The following IMPDH1 variants were observed in gnomAD, a reference collection of about 807,000 sequenced individuals.
The protein encoded by IMPDH1 is inosine-5'-monophosphate dehydrogenase 1.
A neutral mutation model predicts 73.5 loss-of-function variants in IMPDH1; 41 were observed. That is an observed-to-expected ratio of 0.56 (90% CI 0.43 to 0.72). IMPDH1 has a LOEUF of 0.72. Among genes scored for constraint, IMPDH1 ranks in the 30% least tolerant of loss-of-function variants. The pLI is 0.00. For missense variants in IMPDH1, 645 were observed against 824.8 expected (o/e 0.78, Z 2.67); for synonymous variants, 318 against 334.3 (o/e 0.95, Z 0.53).
In IMPDH1 at chr7:128,394,612, T is replaced by C. The variant is rs767349860; in HGVS notation, c.1551-13A>G. 1 of 1,612,588 alleles carries C rather than the reference T, an allele frequency of 6.2e-7. No homozygotes were observed. Among genetic ancestry groups the C allele is most frequent in the South Asian group, 1.1e-5 (1 of 91,034 alleles). ...TTTATCCCCCTCGCTGCGTGGAGGG[T>C]GGAAGACTGAGCCCAGCAGCTTGAA... On this transcript the variant is annotated splice_polypyrimidine_tract_variant and intron_variant, in intron 14 of 16. Transcript: ENST00000338791. The surrounding 1 kb of genome is among the most constrained non-coding windows in gnomAD (Gnocchi z 5.5).
chr7:128,405,797 A>T lies in IMPDH1; in HGVS notation c.323T>A (p.Leu108His). The change falls in exon 4 of 17, where the codon CTC becomes CAC. Residue 108 changes from leucine (L) to histidine (H), a missense_variant. Around this residue, in one of 2 missense-constraint regions of IMPDH1, gnomAD observed 186 missense variants for 186.6 expected, o/e 1.00. Coordinates refer to ENST00000338791, the MANE Select transcript of IMPDH1 (RefSeq NM_000883.4). Reference sequence around the variant, plus strand: ...GGTGAGGCCGTCGGCGCTGGCGAAGAGCTGCTGCGCGGTGAGCCCATCCTC... The same window carrying T: ...GGTGAGGCCGTCGGCGCTGGCGAAGTGCTGCTGCGCGGTGAGCCCATCCTC... ...VPEDGLTAQQ[L>H]FASADGLTYN... 6.5e-7 allele frequency: 1 copy of T among 1,542,710 alleles called. No individual in the cohort carries two copies. Among genetic ancestry groups the T allele is most frequent in the Non-Finnish European group, 8.7e-7 (1 of 1,145,736 alleles).
At chr7:128,408,138 GT>G (rs1335666606) in intron 3 of IMPDH1, among the ~76,000 whole-genome samples, 2 of 152,138 alleles carry the variant, frequency 1.3e-5, no homozygotes, top group African/African-American at 4.8e-5. Context: ...AAGGGCTGTT[GT>G]TCCCTGAGAC....
At chr7:128,409,669 C>T in intron 1 of IMPDH1, 87 bp downstream of exon 1, 4 of 1,512,720 alleles carry the variant, frequency 2.6e-6, no homozygotes, top group East Asian at 2.4e-5. Flanking sequence ...GCCCCTCCCC[C>T]GCAGCGTCGC....
chr7:128,400,684 C>G, intron 7 of IMPDH1, 133 bp downstream of exon 7: 2 of 1,183,688 alleles, frequency 1.7e-6, no homozygotes, highest in Non-Finnish European at 2.5e-6. Context: ...AATGAGGGCT[C>G]GGCCCCAAGG....
intron 4 of IMPDH1, among the ~76,000 whole-genome samples, chr7:128,404,510 C>T (rs1482344319): frequency 6.6e-6 from 1 of 152,146 alleles, no homozygotes; most frequent in Non-Finnish European, 1.5e-5. Context: ...GCTAAAATCA[C>T]AGCAGGCCTT....
intron 9 of IMPDH1, among the ~76,000 whole-genome samples, chr7:128,399,203 A>C (rs559237969): frequency 2.4e-4 from 37 of 151,410 alleles, no homozygotes; most frequent in African/African-American, 8.5e-4. Context: ...ATCTCTACTA[A>C]AAATACAAAA....
chr7:128,395,449 G>A (rs1797851519), intron 12 of IMPDH1, among the ~76,000 whole-genome samples, 175 bp from the exon 13 acceptor site: 1 of 152,182 alleles, frequency 6.6e-6, no homozygotes, highest in South Asian at 2.1e-4. Flanking sequence ...CAGGATGAGT[G>A]TCACTCTAGG....
Position 128,405,850 on chromosome 7 carries a change from C to G in IMPDH1, c.270G>C (p.Leu90=), listed in dbSNP as rs771690979. 5.9e-6 allele frequency: 9 copies of G among 1,533,918 alleles called. 1 individual carries two copies. Among genetic ancestry groups the G allele is most frequent in the South Asian group, 4.8e-5 (4 of 82,504 alleles). The change falls in exon 4 of 17, where the codon CTG becomes CTC. Residue 90 remains leucine (L), a synonymous_variant. Transcript: ENST00000338791. The part of the protein sequence containing the change: ...RLRRASMADY[L]ISGGTGYVPE... Reference sequence around the variant, plus strand: ...GCACGTAGCCGGTGCCGCCGCTGATCAGGTAGTCCGCCATGCTGCCGCGAG... The same window carrying G: ...GCACGTAGCCGGTGCCGCCGCTGATGAGGTAGTCCGCCATGCTGCCGCGAG...
Position 128,398,362 on chromosome 7 carries a change from A to G in IMPDH1, c.1074+52T>C. Reference sequence around the variant, plus strand: ...TGAACCTGGGTCCTCATAAACCTCCACTCTGCTGAACCACTCATCCATCTC... The same window carrying G: ...TGAACCTGGGTCCTCATAAACCTCCGCTCTGCTGAACCACTCATCCATCTC... On this transcript the variant is annotated intron_variant, in intron 10 of 16. Coordinates refer to ENST00000338791, the MANE Select transcript of IMPDH1 (RefSeq NM_000883.4). The surrounding 1 kb of genome is among the most constrained non-coding windows in gnomAD (Gnocchi z 4.3). The G allele has an allele frequency of 1.4e-6, 2 of 1,480,394 alleles. No individual in the cohort carries two copies. Among genetic ancestry groups the G allele is most frequent in the East Asian group, 2.3e-5 (1 of 44,120 alleles). The allele number at this position is 1,480,394 out of a possible 1,614,324, so 91.7% of individuals were successfully genotyped here. A position where few individuals can be genotyped will look rare whatever the true frequency, so the allele number is the denominator to read the frequency against.
intron 3 of IMPDH1, among the ~76,000 whole-genome samples, chr7:128,408,762 G>C (rs922451740): frequency 6.6e-6 from 1 of 152,170 alleles, no homozygotes; most frequent in African/African-American, 2.4e-5. Flanking sequence ...ATCGCCCTGC[G>C]GCCTGAACCC....
At chr7:128,409,393 G>A (rs754622609) in intron 2 of IMPDH1, 41 bp from the exon 3 acceptor site, 1 of 1,614,054 alleles carries the variant, frequency 6.2e-7, no homozygotes, top group Non-Finnish European at 8.5e-7. Flanking sequence ...CAAGTCAGTC[G>A]GACAGGACTC....
Position 128,396,636 on chromosome 7 carries a change from C to G in IMPDH1, c.1225G>C (p.Gly409Arg). 6.4e-7 allele frequency: 1 copy of G among 1,555,508 alleles called. No homozygotes were observed. The highest frequency in any genetic ancestry group is 8.7e-7 in the Non-Finnish European group (1 of 1,148,862). ...ATGCAGATGGAGCCGCAGCCCATGC[C>G]CACGCGCAGCCCGTCCACACCAGCA... ...IDAGVDGLRVGMGCGSICITQ... is the reference protein window; with the variant it reads ...IDAGVDGLRVRMGCGSICITQ... Residue 409 changes from glycine (G) to arginine (R), a missense_variant, in exon 12 of 17, where the codon GGC becomes CGC. By Grantham distance (125) the Gly-to-Arg change is moderately radical (BLOSUM62 -2). Around this residue, in one of 2 missense-constraint regions of IMPDH1, gnomAD observed 459 missense variants for 638.2 expected, o/e 0.72. Coordinates refer to ENST00000338791, the MANE Select transcript of IMPDH1 (RefSeq NM_000883.4). This position sits in a 1 kb window ranked among gnomAD's most constrained non-coding sequence, Gnocchi z 4.0.
chr7:128,401,870 C>A (rs1039311922), intron 5 of IMPDH1, among the ~76,000 whole-genome samples: 1 of 152,152 alleles, frequency 6.6e-6, no homozygotes, highest in Non-Finnish European at 1.5e-5. Context: ...AGCACATACC[C>A]CTCTGAGGGT....
Position 128,398,778 on chromosome 7 carries a change from T to C in IMPDH1, c.875-165A>G, listed in dbSNP as rs563676241. On this transcript the variant is annotated intron_variant, in intron 9 of 16. Coordinates refer to ENST00000338791, the MANE Select transcript of IMPDH1 (RefSeq NM_000883.4). This position sits in a 1 kb window ranked among gnomAD's most constrained non-coding sequence, Gnocchi z 4.3. ...CCCCCAGGAAGTGTTCCTAGGGACC[T>C]AGCCCTCTTCCCAAGGAACAGGGAG... Among the ~76,000 whole-genome samples, 19 of 152,260 alleles carry C rather than the reference T, an allele frequency of 1.2e-4. No individual in the cohort carries two copies. The highest frequency in any genetic ancestry group is 4.1e-4 in the African/African-American group (17 of 41,552).
intron 2 of IMPDH1, 42 bp from the exon 3 acceptor site, chr7:128,409,394 G>C (rs561670686): frequency 1.2e-6 from 2 of 1,614,106 alleles, no homozygotes; most frequent in Admixed American, 3.3e-5. Flanking sequence ...AAGTCAGTCG[G>C]ACAGGACTCC....
At position 128,400,806 on chromosome 7, in the gene IMPDH1, C is replaced by G. The variant is rs1470841796; in HGVS notation, c.579+11G>C. The G allele has an allele frequency of 1.2e-6, 2 of 1,613,406 alleles. No individual in the cohort carries two copies. The highest frequency in any genetic ancestry group is 1.7e-5 in the Admixed American group (1 of 60,014). Reference sequence around the variant, plus strand: ...AGGTGGCATCTTGCTGGGGACAGGCCTGGTACTTGCCTTGACCTTCCGCAC... The same window carrying G: ...AGGTGGCATCTTGCTGGGGACAGGCGTGGTACTTGCCTTGACCTTCCGCAC... On this transcript the variant is annotated intron_variant, in intron 7 of 16. Coordinates refer to ENST00000338791, the MANE Select transcript of IMPDH1 (RefSeq NM_000883.4).
intron 3 of IMPDH1, among the ~76,000 whole-genome samples, chr7:128,406,301 A>ACCCCCC (rs1563002564): frequency 1.2e-4 from 1 of 8,122 alleles, no homozygotes; most frequent in Non-Finnish European, 3.0e-4. Flanking sequence ...CCACACCCCC[A>ACCCCCC]CACCCCCCAC....
chr7:128,396,481 T>A lies in IMPDH1; in HGVS notation c.1261+119A>T. 1 of 850,192 alleles carries A rather than the reference T, an allele frequency of 1.2e-6. No individual in the cohort carries two copies. Among genetic ancestry groups the A allele is most frequent in the Non-Finnish European group, 2.0e-6 (1 of 511,984 alleles). 52.7% of individuals were successfully genotyped at this position (850,192 alleles called of 1,614,324 possible). A position where few individuals can be genotyped will look rare whatever the true frequency, so the allele number is the denominator to read the frequency against. On this transcript the variant is annotated intron_variant, in intron 12 of 16. Coordinates refer to ENST00000338791, the MANE Select transcript of IMPDH1 (RefSeq NM_000883.4). This position sits in a 1 kb window ranked among gnomAD's most constrained non-coding sequence, Gnocchi z 4.0. ...CGATGGGGTGGGGCCCATGCCTGGGTCACCCCGGAGCCTACCATGGCAGAA... is the reference window on the plus strand; with the variant it reads ...CGATGGGGTGGGGCCCATGCCTGGGACACCCCGGAGCCTACCATGGCAGAA...
chr7:128,401,188 G>T, intron 5 of IMPDH1, 72 bp from the exon 6 acceptor site: 1 of 1,120,426 alleles, frequency 8.9e-7, no homozygotes. Context: ...GCTCCTACAT[G>T]CACCGGCACC....
Sources: gnomAD v4.1 joint callset for allele counts (sites outside exome capture counted in the v4.1 genomes callset) on GRCh38, gnomAD v4.1.1 for gene constraint, gnomAD v4.1.1 regional missense constraint, Gnocchi (gnomAD v3.1) non-coding constraint, MANE v1.5 for transcripts, NCBI Gene and HGNC (gene_info 2026-07-23, HGNC 2026-07-21) for gene names.